Variants in LRP1B observed in about 807,000 individuals in gnomAD.
LRP1B encodes low-density lipoprotein receptor-related protein 1B.
In LRP1B, 217 loss-of-function variants were observed where a neutral mutation model predicts 556.6. The ratio of observed to expected loss-of-function variants is 0.39; its 90% CI spans 0.35 to 0.44. LRP1B has a LOEUF of 0.44. Among genes scored for constraint, LRP1B ranks in the 20% least tolerant of loss-of-function variants. LRP1B has a pLI of 1.00. For synonymous variants in LRP1B, 2,047 were observed against 1,865.8 expected, an observed-to-expected ratio of 1.10 and a Z score of -2.50; for missense variants, 5,053 against 5,620.8, an observed-to-expected ratio of 0.90 and a Z score of 3.23.
At chr2:141,236,239 T>C (rs1683644229) in intron 5 of LRP1B, among the ~76,000 whole-genome samples, 1 of 152,176 alleles carries the variant, frequency 6.6e-6, no homozygotes, top group Non-Finnish European at 1.5e-5. Flanking sequence ...ACATACATTG[T>C]GGAATAGTTA....
chr2:140,396,558 T>C (rs1387350889), intron 66 of LRP1B, among the ~76,000 whole-genome samples: 1 of 152,182 alleles, frequency 6.6e-6, no homozygotes, highest in East Asian at 1.9e-4. Context: ...ATTTATCTTC[T>C]TTGTGCCTCA....
intron 45 of LRP1B, 28 bp downstream of exon 45, chr2:140,540,945 A>G (rs376706943): frequency 1.9e-6 from 3 of 1,599,324 alleles, no homozygotes; most frequent in African/African-American, 1.3e-5. Flanking sequence ...CAGATTTGTC[A>G]TATTACATTT....
chr2:141,809,152 A>C (rs560945215), intron 2 of LRP1B, among the ~76,000 whole-genome samples: 1 of 152,234 alleles, frequency 6.6e-6, no homozygotes, highest in East Asian at 1.9e-4. Context: ...CCTGTGGAAA[A>C]AGTGATCGGC....
chr2:141,992,918 C>A (rs1446484358), intron 1 of LRP1B, among the ~76,000 whole-genome samples: 1 of 152,068 alleles, frequency 6.6e-6, no homozygotes, highest in Non-Finnish European at 1.5e-5. Flanking sequence ...CAGCAAGTAC[C>A]AACACTGAGA....
chr2:140,776,743 T>C (rs1323097036), intron 32 of LRP1B, among the ~76,000 whole-genome samples: 1 of 152,106 alleles, frequency 6.6e-6, no homozygotes, highest in African/African-American at 2.4e-5. Context: ...CCATTACCGG[T>C]CTCTTCACAA....
chr2:142,059,001 A>T (rs1013961429), intron 1 of LRP1B, among the ~76,000 whole-genome samples: 3 of 152,124 alleles, frequency 2.0e-5, no homozygotes, highest in African/African-American at 7.2e-5. Flanking sequence ...CATTATTTAC[A>T]TGTAAAATAT....
At chr2:141,527,926 A>G (rs1024945157) in intron 2 of LRP1B, among the ~76,000 whole-genome samples, 1 of 152,078 alleles carries the variant, frequency 6.6e-6, no homozygotes, top group Admixed American at 6.6e-5. Context: ...AATTTATATA[A>G]TACGCCTCCT....
At chr2:141,841,364 C>T (rs1253431408) in intron 1 of LRP1B, among the ~76,000 whole-genome samples, 2 of 152,096 alleles carry the variant, frequency 1.3e-5, no homozygotes, top group African/African-American at 2.4e-5. Context: ...TTAGCCCTCA[C>T]CAGATTCTCG....
rs1438814047 is a variant in LRP1B, at chr2:142,130,642, C to T, written c.82+6G>A. 1 of 1,608,878 alleles carries T rather than the reference C, an allele frequency of 6.2e-7. No homozygotes were observed. Among genetic ancestry groups the T allele is most frequent in the African/African-American group, 1.3e-5 (1 of 74,874 alleles). ...GGGGAGGGGAGCGGGGAGGTGTTCT[C>T]CTTACCTCGGTCGGCTCCCACGGTC... On this transcript the variant is annotated splice_donor_region_variant and intron_variant, in intron 1 of 90. Coordinates refer to ENST00000389484, the MANE Select transcript of LRP1B (RefSeq NM_018557.3).
At chr2:141,487,704 C>T (rs1469279716) in intron 2 of LRP1B, among the ~76,000 whole-genome samples, 1 of 152,054 alleles carries the variant, frequency 6.6e-6, no homozygotes, top group African/African-American at 2.4e-5. Context: ...TATGCAATTC[C>T]ATCATCTAGA....
intron 2 of LRP1B, among the ~76,000 whole-genome samples, chr2:141,544,025 T>G (rs1685365728): frequency 1.3e-5 from 2 of 152,142 alleles, no homozygotes; most frequent in Admixed American, 1.3e-4. Flanking sequence ...GATAACATTT[T>G]TCTAAAAATC....
chr2:141,760,752 A>G (rs1694514692), intron 2 of LRP1B, among the ~76,000 whole-genome samples: 1 of 152,234 alleles, frequency 6.6e-6, no homozygotes, highest in Admixed American at 6.5e-5. Flanking sequence ...AAGGACACTC[A>G]AAGAAAATCA....
chr2:140,390,112 A>G (rs1256066025), intron 66 of LRP1B, among the ~76,000 whole-genome samples: 1 of 152,120 alleles, frequency 6.6e-6, no homozygotes, highest in Non-Finnish European at 1.5e-5. Flanking sequence ...CTAGGTGACA[A>G]GAGTGAGACT....
intron 1 of LRP1B, among the ~76,000 whole-genome samples, chr2:141,864,492 G>A (rs891697998): frequency 2.0e-5 from 3 of 149,908 alleles, no homozygotes; most frequent in Admixed American, 6.7e-5. Flanking sequence ...CAGCAACAGT[G>A]TTCAAACATT....
chr2:141,806,893 T>A (rs1696184158), intron 2 of LRP1B, among the ~76,000 whole-genome samples: 1 of 152,058 alleles, frequency 6.6e-6, no homozygotes, highest in African/African-American at 2.4e-5. Flanking sequence ...GCTAGAGTGG[T>A]CTTTCTATCA....
intron 7 of LRP1B, among the ~76,000 whole-genome samples, chr2:141,093,325 C>A (rs551947018): frequency 8.1e-4 from 123 of 152,026 alleles, no homozygotes; most frequent in Non-Finnish European, 1.5e-3. Context: ...CGTATTTTCT[C>A]ACTGAAATAA....
intron 3 of LRP1B, among the ~76,000 whole-genome samples, chr2:141,456,460 G>A (rs572560625): frequency 6.6e-6 from 1 of 151,952 alleles, no homozygotes; most frequent in African/African-American, 2.4e-5. Flanking sequence ...GTTATTTTTT[G>A]TTTCCAGGAC....
intron 1 of LRP1B, among the ~76,000 whole-genome samples, chr2:141,983,353 A>C (rs1320567059): frequency 6.6e-6 from 1 of 152,298 alleles, no homozygotes; most frequent in East Asian, 1.9e-4. Flanking sequence ...TTAATCCCCA[A>C]TACATGATTT....
intron 1 of LRP1B, among the ~76,000 whole-genome samples, chr2:141,934,917 A>G (rs1574506391): frequency 6.6e-6 from 1 of 152,180 alleles, no homozygotes; most frequent in Non-Finnish European, 1.5e-5. Flanking sequence ...AGACTAATAC[A>G]CCCATAGATA....
Sources: allele counts gnomAD v4.1 joint callset (sites outside exome capture counted in the v4.1 genomes callset), GRCh38; gene constraint gnomAD v4.1.1; transcripts MANE v1.5; gene names NCBI Gene and HGNC (gene_info 2026-07-23, HGNC 2026-07-21).